CLIP3: variants seen among roughly 807,000 people sequenced by gnomAD.
The protein encoded by CLIP3 is CAP-Gly domain containing linker protein 3.
Under a neutral mutation model 59.4 loss-of-function variants are expected in CLIP3, and 15 were observed. The observed-to-expected ratio is 0.25, with a 90% CI of 0.17 to 0.39. CLIP3 has a LOEUF of 0.39. CLIP3 is among the 10% of genes least tolerant of loss of function. The pLI, the probability that CLIP3 is intolerant of heterozygous loss-of-function variation, is 1.00. For missense variants in CLIP3, 495 were observed against 765.7 expected, an observed-to-expected ratio of 0.65 and a Z score of 4.17; for synonymous variants, 300 against 321.6, an observed-to-expected ratio of 0.93 and a Z score of 0.72.
chr19:36,027,549 A>C (rs1206915045), intron 2 of CLIP3, among the ~76,000 whole-genome samples: 1 of 152,130 alleles, frequency 6.6e-6, no homozygotes, highest in African/African-American at 2.4e-5. Flanking sequence ...CCCTGAAACA[A>C]AAGCCTGACA....
rs534280292 is a variant in CLIP3 at position 36,026,361 on chromosome 19, G to C, written c.563-96C>G. The C allele has an allele frequency of 4.0e-6, 5 of 1,254,110 alleles. No homozygotes were observed. In the East Asian group the frequency reaches 7.2e-5, roughly 18 times the overall value. The allele number at this position is 1,254,110 out of a possible 1,614,324, so 77.7% of individuals were successfully genotyped here. A position where few individuals can be genotyped will look rare whatever the true frequency, so the allele number is the denominator to read the frequency against. The stretch of plus-strand genomic sequence containing the variant: ...CTCATCTCTTAACTTGCAGGTCCCA[G>C]AGCCTCCGACGCAGAGCCCCGCCCC... On this transcript the variant is annotated intron_variant, in intron 5 of 13. Coordinates refer to ENST00000360535, the MANE Select transcript of CLIP3 (RefSeq NM_015526.3). This position sits in a 1 kb window ranked among gnomAD's most constrained non-coding sequence, Gnocchi z 6.3.
In CLIP3 at chr19:36,015,993, G is replaced by T; in HGVS notation, c.*165C>A. The T allele has an allele frequency of 1.4e-6, 1 of 698,434 alleles. No homozygotes were observed. 43.3% of individuals were successfully genotyped at this position (698,434 alleles called of 1,614,324 possible). A position where few individuals can be genotyped will look rare whatever the true frequency, so the allele number is the denominator to read the frequency against. The stretch of plus-strand genomic sequence containing the variant: ...GGGGTCTGTATTTGGGGGTTATTAT[G>T]GGAGTATCTGTTAATAATGGGGCCT... On this transcript the variant is annotated 3_prime_UTR_variant, in exon 14 of 14. Coordinates refer to ENST00000360535, the MANE Select transcript of CLIP3 (RefSeq NM_015526.3).
At chr19:36,018,063 A>G in intron 9 of CLIP3, 72 bp from the exon 10 acceptor site, 2 of 1,559,238 alleles carry the variant, frequency 1.3e-6, no homozygotes, top group Non-Finnish European at 1.8e-6. Flanking sequence ...CCACCTGGAA[A>G]ACCCCAAGGT....
chr19:36,017,408 G>T lies in CLIP3; in HGVS notation c.1494C>A (p.Ala498=). 1.2e-6 allele frequency: 2 copies of T among 1,614,060 alleles called. No individual in the cohort carries two copies. Among genetic ancestry groups the T allele is most frequent in the Non-Finnish European group, 1.7e-6 (2 of 1,179,992 alleles). ...CACTTGTCACTTGATGCACTTTTTT[G>T]GCTCCAACGCTGTCCCCGGGGGAAT... The part of the protein sequence containing the change: ...STDSPGDSVG[A]KKVHQVTMTQ... The change falls in exon 12 of 14, where the codon GCC becomes GCA. Residue 498 remains alanine (A), a synonymous_variant. Coordinates refer to ENST00000360535, the MANE Select transcript of CLIP3 (RefSeq NM_015526.3).
chr19:36,019,340 G>T, intron 7 of CLIP3, 34 bp from the exon 8 acceptor site: 2 of 1,587,064 alleles, frequency 1.3e-6, no homozygotes, highest in Non-Finnish European at 1.7e-6. Context: ...GCTAAGGAAG[G>T]AATGCTGGGA....
At chr19:36,028,893 C>A (rs1969183521) in intron 2 of CLIP3, among the ~76,000 whole-genome samples, 1 of 151,712 alleles carries the variant, frequency 6.6e-6, no homozygotes, top group Non-Finnish European at 1.5e-5. Context: ...TCCCACACAT[C>A]TTCACAAAGC....
chr19:36,026,420 G>A lies in CLIP3; in HGVS notation c.563-155C>T, dbSNP rs1336406654. Among the ~76,000 whole-genome samples, 1 of 83,624 alleles carries A rather than the reference G, an allele frequency of 1.2e-5. No individual in the cohort carries two copies. The highest frequency in any genetic ancestry group is 1.4e-4 in the Admixed American group (1 of 7,094). 54.9% of individuals were successfully genotyped at this position (83,624 alleles called of 152,430 possible). On this transcript the variant is annotated intron_variant, in intron 5 of 13. Coordinates refer to ENST00000360535, the MANE Select transcript of CLIP3 (RefSeq NM_015526.3). The surrounding 1 kb of genome is among the most constrained non-coding windows in gnomAD (Gnocchi z 6.3). The stretch of plus-strand genomic sequence containing the variant: ...AGCCCCCCTCTCCCTTGGCAGCCCC[G>A]ACCCTCCCTAGAGTGGTAGTCCCTG...
intron 2 of CLIP3, among the ~76,000 whole-genome samples, chr19:36,028,304 C>T (rs1568544330): frequency 6.6e-6 from 1 of 152,078 alleles, no homozygotes. Context: ...CGCCGCTGCA[C>T]TCCAGCCTGG....
intron 7 of CLIP3, among the ~76,000 whole-genome samples, chr19:36,021,730 T>G (rs1409949402): frequency 6.6e-6 from 1 of 152,056 alleles, no homozygotes; most frequent in African/African-American, 2.4e-5. Context: ...GGCGGAAACA[T>G]TTTTAACACA....
At chr19:36,024,678 C>T in intron 6 of CLIP3, 46 bp from the exon 7 acceptor site, 1 of 1,577,614 alleles carries the variant, frequency 6.3e-7, no homozygotes, top group Non-Finnish European at 8.7e-7. Context: ...TGGCACAGGT[C>T]ACACCCCCAT....
In CLIP3 at chr19:36,015,337, C is replaced by T. The variant is rs2239915; in HGVS notation, c.*821G>A. ...CCCCAGAGTCCTAGAATGGGGCCTC[C>T]AAATTTTGGGGTCCCCCAAAGGGGG... is the stretch of plus-strand genomic sequence containing the variant. On this transcript the variant is annotated 3_prime_UTR_variant, in exon 14 of 14. Transcript: ENST00000360535. 0.013 allele frequency: 1,997 copies of T among 152,548 alleles called. 128 individuals carry two copies. In the East Asian group the frequency reaches 0.17, roughly 13 times the overall value. The allele number at this position is 152,548 out of a possible 1,614,324, so 9.4% of individuals were successfully genotyped here.
At chr19:36,021,781 GTTA>G (rs1968957224) in intron 7 of CLIP3, among the ~76,000 whole-genome samples, 1 of 152,186 alleles carries the variant, frequency 6.6e-6, no homozygotes, top group South Asian at 2.1e-4. Context: ...AGTGAGTGTG[GTTA>G]TTATCATTAT....
rs1374244392 is a variant in CLIP3, at chr19:36,016,961, G to A, written c.1535C>T (p.Thr512Ile). 5 of 1,613,998 alleles carry A rather than the reference G, an allele frequency of 3.1e-6. No individual in the cohort carries two copies. The African/African-American group carries it at 4.0e-5, about 13-fold the overall frequency. ...HQVTMTQPKR[T>I]FTTVRTPKDI... ...CTTTGGGGTCCGGACTGTGGTGAAG[G>A]TGCGTTTGGGCTGCGTCACTGAAGA... Residue 512 changes from threonine to isoleucine, a missense_variant, in exon 13 of 14, where the codon ACC becomes ATC. By Grantham distance (89) the Thr-to-Ile change is moderately conservative (BLOSUM62 -1). This residue lies in a region of CLIP3 where 179 missense variants were observed against 226.2 expected (regional missense o/e 0.79). Transcript: ENST00000360535. The surrounding 1 kb of genome is among the most constrained non-coding windows in gnomAD (Gnocchi z 4.1).
chr19:36,017,487 CA>C, intron 11 of CLIP3, 37 bp from the exon 12 acceptor site: 5 of 1,612,450 alleles, frequency 3.1e-6, no homozygotes, highest in Non-Finnish European at 4.2e-6. Flanking sequence ...GTCAGAGCCA[CA>C]AAAGGCCAGG....
intron 10 of CLIP3, 27 bp from the exon 11 acceptor site, chr19:36,017,805 T>G (rs376392736): frequency 1.3e-5 from 21 of 1,613,978 alleles, no homozygotes; most frequent in Non-Finnish European, 1.7e-5. Context: ...TCAGGATTTC[T>G]CAAGGCCCTG....
chr19:36,019,032 G>C lies in CLIP3; in HGVS notation c.1055-6C>G, dbSNP rs372156864. On this transcript the variant is annotated splice_polypyrimidine_tract_variant and splice_region_variant and intron_variant, in intron 8 of 13. Coordinates refer to ENST00000360535, the MANE Select transcript of CLIP3 (RefSeq NM_015526.3). ...GGACACGGAGGCAAAGAGACCTAGG[G>C]GTACAGAATCCGAGCCTGGTGTTGT... The C allele has an allele frequency of 2.5e-5, 39 of 1,585,368 alleles. No individual in the cohort carries two copies. The highest frequency in any genetic ancestry group is 3.3e-5 in the Non-Finnish European group (39 of 1,164,416).
In CLIP3 at chr19:36,026,140, G is replaced by A. The variant is rs185392332; in HGVS notation, c.681+7C>T. The stretch of plus-strand genomic sequence containing the variant: ...GGGTAACGGGTTCTGGGCAAGGGTG[G>A]CAGTACCCTCAGCGCAGGGTTGGCG... On this transcript the variant is annotated splice_region_variant and intron_variant, in intron 6 of 13. Coordinates refer to ENST00000360535, the MANE Select transcript of CLIP3 (RefSeq NM_015526.3). The surrounding 1 kb of genome is among the most constrained non-coding windows in gnomAD (Gnocchi z 6.3). The A allele has an allele frequency of 5.6e-6, 9 of 1,605,992 alleles. No individual in the cohort carries two copies. Among genetic ancestry groups the A allele is most frequent in the East Asian group, 2.2e-5 (1 of 44,730 alleles).
rs1244630435 is a variant in CLIP3 at position 36,026,713 on chromosome 19, C to T, written c.435G>A (p.Gln145=). 1 of 1,604,644 alleles carries T rather than the reference C, an allele frequency of 6.2e-7. No homozygotes were observed. Among genetic ancestry groups the T allele is most frequent in the Non-Finnish European group, 8.5e-7 (1 of 1,177,600 alleles). The part of the protein sequence containing the change: ...DPAAAVRLSQ[Q]LLALGADVTL... ...TCACATCTGCGCCCAGCGCCAGCAG[C>T]TGCTGCGAGAGGCGCACGGCTGCCG... Residue 145 remains glutamine (Q), a synonymous_variant, in exon 5 of 14, where the codon CAG becomes CAA. Coordinates refer to ENST00000360535, the MANE Select transcript of CLIP3 (RefSeq NM_015526.3). The surrounding 1 kb of genome is among the most constrained non-coding windows in gnomAD (Gnocchi z 6.3).
Position 36,015,375 on chromosome 19 carries a change from A to C in CLIP3, c.*783T>G, listed in dbSNP as rs1319332205. 1 of 152,568 alleles carries C rather than the reference A, an allele frequency of 6.6e-6. No homozygotes were observed. The highest frequency in any genetic ancestry group is 1.5e-5 in the Non-Finnish European group (1 of 68,042). The allele number at this position is 152,568 out of a possible 1,614,324, so 9.5% of individuals were successfully genotyped here. A position where few individuals can be genotyped will look rare whatever the true frequency, so the allele number is the denominator to read the frequency against. ...CCCCCAAAGGGGGAAGTCGTTACTT[A>C]AAAAATAGAGAATTTTCTGGGAGTC... On this transcript the variant is annotated 3_prime_UTR_variant, in exon 14 of 14. Coordinates refer to ENST00000360535, the MANE Select transcript of CLIP3 (RefSeq NM_015526.3).
Sources: allele counts gnomAD v4.1 joint callset (sites outside exome capture counted in the v4.1 genomes callset), GRCh38; gene constraint gnomAD v4.1.1; regional missense constraint gnomAD v4.1.1; non-coding constraint Gnocchi (gnomAD v3.1); transcripts MANE v1.5; gene names NCBI Gene and HGNC (gene_info 2026-07-23, HGNC 2026-07-21).